The following NHSL3 variants were observed in gnomAD, a reference collection of about 807,000 sequenced individuals.
NHSL3 encodes the protein NHS-like protein 3.
chr1:32,765,845 G>A, the NHSL3 span: 11 of 1,541,256 alleles, frequency 7.1e-6, no homozygotes, highest in Admixed American at 9.8e-5. Flanking sequence ...GGTGTGGCTT[G>A]GGGGGAGGGG....
the NHSL3 span, among the ~76,000 whole-genome samples, chr1:32,752,973 GTT>G: frequency 2.2e-5 from 2 of 92,824 alleles, no homozygotes; most frequent in African/African-American, 8.5e-5. Context: ...ATATATTTTG[GTT>G]TTTTTTTTTT....
chr1:32,761,374 G>C, the NHSL3 span, among the ~76,000 whole-genome samples: 7 of 152,144 alleles, frequency 4.6e-5, no homozygotes. Context: ...GAGGGGTGTC[G>C]CTGGGGCAAC....
At chr1:32,773,124 C>T in the NHSL3 span, 1 of 584,084 alleles carries the variant, frequency 1.7e-6, no homozygotes, top group Non-Finnish European at 3.1e-6. Context: ...CCGCTTCAGT[C>T]TTGGCCTTAG....
chr1:32,754,033 C>G, the NHSL3 span: 2 of 558,504 alleles, frequency 3.6e-6, no homozygotes, highest in South Asian at 2.2e-5. Context: ...GCTGCGGGCC[C>G]GGCGGCCGGG....
chr1:32,754,332 G>C, the NHSL3 span, among the ~76,000 whole-genome samples: 4 of 151,962 alleles, frequency 2.6e-5, no homozygotes, highest in Non-Finnish European at 4.4e-5. Flanking sequence ...GGCACACGGA[G>C]ACACACGTAC....
chr1:32,754,490 C>T, the NHSL3 span, among the ~76,000 whole-genome samples: 2 of 152,180 alleles, frequency 1.3e-5, no homozygotes, highest in Non-Finnish European at 2.9e-5. Flanking sequence ...AGGACGCACA[C>T]AGCCTGAGAC....
the NHSL3 span, among the ~76,000 whole-genome samples, chr1:32,746,464 CAGGA>C: frequency 1.3e-5 from 2 of 152,106 alleles, no homozygotes; most frequent in Non-Finnish European, 2.9e-5. Flanking sequence ...AGAGAAGTAA[CAGGA>C]AGGCTGCTAT....
At chr1:32,768,126 T>G in the NHSL3 span, 1 of 1,564,730 alleles carries the variant, frequency 6.4e-7, no homozygotes, top group Non-Finnish European at 8.8e-7. Flanking sequence ...AGGTGAGCCC[T>G]GCCTCCAGCT....
At chr1:32,766,181 C>T in the NHSL3 span, among the ~76,000 whole-genome samples, 5 of 151,948 alleles carry the variant, frequency 3.3e-5, no homozygotes, top group Non-Finnish European at 1.5e-5. Flanking sequence ...GGGACGTGGG[C>T]GGCCCAGAAG....
the NHSL3 span, chr1:32,771,029 C>T: frequency 2.4e-5 from 39 of 1,612,442 alleles, no homozygotes; most frequent in Admixed American, 3.3e-5. Context: ...GAGCGTGTCA[C>T]GTCTCTTCGC....
At chr1:32,754,104 C>A in the NHSL3 span, 1 of 709,328 alleles carries the variant, frequency 1.4e-6, no homozygotes, top group Non-Finnish European at 2.6e-6. Context: ...GGAACTCACA[C>A]CACAAGAGGA....
At chr1:32,742,078 C>T in the NHSL3 span, 1 of 1,256,768 alleles carries the variant, frequency 8.0e-7, no homozygotes, top group Non-Finnish European at 1.0e-6. Flanking sequence ...CAGCTGGCTG[C>T]GGGGCAAGCG....
chr1:32,756,771 C>T, the NHSL3 span, among the ~76,000 whole-genome samples: 2 of 151,696 alleles, frequency 1.3e-5, no homozygotes, highest in African/African-American at 2.4e-5. Context: ...GAGTTTGAGA[C>T]CAGCCCAGCC....
At chr1:32,745,142 AAAG>A in the NHSL3 span, among the ~76,000 whole-genome samples, 1 of 151,420 alleles carries the variant, frequency 6.6e-6, no homozygotes, top group South Asian at 2.1e-4. Context: ...AAGAAAAAAA[AAAG>A]AAAATTATAT....
At chr1:32,742,265 C>A in the NHSL3 span, 2 of 1,214,396 alleles carry the variant, frequency 1.6e-6, no homozygotes, top group Non-Finnish European at 2.1e-6. Context: ...CGGGGGTCCG[C>A]GCGCGGCGTG....
chr1:32,771,280 G>A, the NHSL3 span: 3 of 1,611,276 alleles, frequency 1.9e-6, no homozygotes, highest in Non-Finnish European at 2.5e-6. Context: ...TTCTACCACT[G>A]ACGCCAGTCC....
At chr1:32,761,296 CGAGCCACAGGTGTATA>C in the NHSL3 span, among the ~76,000 whole-genome samples, 1 of 152,136 alleles carries the variant, frequency 6.6e-6, no homozygotes, top group Non-Finnish European at 1.5e-5. Flanking sequence ...CCTCCCCAAG[CGAGCCACAGGTGTATA>C]GATCTGGGGT....
chr1:32,753,996 C>G, the NHSL3 span: 3 of 411,948 alleles, frequency 7.3e-6, no homozygotes, highest in African/African-American at 2.1e-5. Flanking sequence ...GGTGCCCGCC[C>G]GCGAGTCTCG....
At chr1:32,765,647 G>A in the NHSL3 span, 4 of 1,532,260 alleles carry the variant, frequency 2.6e-6, no homozygotes, top group Non-Finnish European at 3.5e-6. Flanking sequence ...TGGAGCCGGT[G>A]CTCTGCGGCG....
Sources: gnomAD v4.1 joint callset for allele counts (sites outside exome capture counted in the v4.1 genomes callset) on GRCh38, gnomAD v4.1.1 for gene constraint, MANE v1.5 for transcripts, NCBI Gene and HGNC (gene_info 2026-07-23, HGNC 2026-07-21) for gene names.